Variants in SLC24A2 observed in about 807,000 individuals in gnomAD.
The protein encoded by SLC24A2 is sodium/potassium/calcium exchanger 2.
SLC24A2 carries 36 observed loss-of-function variants against 62.0 expected under a neutral mutation model. The observed-to-expected ratio is 0.58, with a 90% CI of 0.44 to 0.77. SLC24A2 has a LOEUF of 0.77. Ranked by LOEUF, SLC24A2 falls within the 30% of genes least tolerant of loss-of-function variation. SLC24A2 has a pLI of 0.00. For synonymous variants in SLC24A2, 358 were observed against 294.0 expected (o/e 1.22, Z -2.23); for missense variants, 846 against 817.9 (o/e 1.03, Z -0.42).
chr9:20,175,566 A>T, the SLC24A2 span, among the ~76,000 whole-genome samples: 2 of 152,054 alleles, frequency 1.3e-5, no homozygotes, highest in Non-Finnish European at 2.9e-5. Flanking sequence ...TGGGAAAATT[A>T]TTATGTTACT....
At chr9:20,151,838 AAAT>A in the SLC24A2 span, among the ~76,000 whole-genome samples, 1 of 151,706 alleles carries the variant, frequency 6.6e-6, no homozygotes, top group African/African-American at 2.4e-5. Flanking sequence ...TAGATCCCCC[AAAT>A]TGGTTTTGAA....
At chr9:19,566,770 C>A (rs951113513) in intron 7 of SLC24A2, among the ~76,000 whole-genome samples, 4 of 152,186 alleles carry the variant, frequency 2.6e-5, no homozygotes, top group Non-Finnish European at 5.9e-5. Flanking sequence ...CCATGGAATA[C>A]TATGCAGCCA....
At chr9:19,957,227 C>T in the SLC24A2 span, among the ~76,000 whole-genome samples, 1 of 152,116 alleles carries the variant, frequency 6.6e-6, no homozygotes, top group Non-Finnish European at 1.5e-5. Context: ...ACTCATGCTT[C>T]TCAAAGCCAG....
the SLC24A2 span, among the ~76,000 whole-genome samples, chr9:20,209,513 C>A: frequency 6.6e-6 from 1 of 152,182 alleles, no homozygotes; most frequent in East Asian, 1.9e-4. Flanking sequence ...CTTTACTACT[C>A]TGAACAGACA....
chr9:20,073,366 T>C, the SLC24A2 span, among the ~76,000 whole-genome samples: 1 of 152,178 alleles, frequency 6.6e-6, no homozygotes, highest in Non-Finnish European at 1.5e-5. Flanking sequence ...CAGAATAATG[T>C]CTCTTTTAAT....
chr9:19,556,920 A>G (rs992514137), intron 7 of SLC24A2, among the ~76,000 whole-genome samples: 4 of 152,206 alleles, frequency 2.6e-5, no homozygotes, highest in African/African-American at 9.7e-5. Flanking sequence ...CATATGGACA[A>G]TAATAGATCA....
rs904758675 is a variant in SLC24A2 at position 19,513,707 on chromosome 9, T to G, written c.*2446A>C. 1 of 152,176 alleles carries G rather than the reference T, an allele frequency of 6.6e-6. No individual in the cohort carries two copies. Among genetic ancestry groups the G allele is most frequent in the African/African-American group, 2.4e-5 (1 of 41,436 alleles). 9.4% of individuals were successfully genotyped at this position (152,176 alleles called of 1,614,324 possible). On this transcript the variant is annotated 3_prime_UTR_variant, in exon 11 of 11. Coordinates refer to ENST00000341998, the MANE Select transcript of SLC24A2 (RefSeq NM_020344.4). ...CTCCTTCAACTTCTGTTTTACATGG[T>G]CTGTTTGCAGTTGAGTCAGTCACCT...
At chr9:19,839,289 G>C in the SLC24A2 span, among the ~76,000 whole-genome samples, 1 of 152,128 alleles carries the variant, frequency 6.6e-6, no homozygotes, top group African/African-American at 2.4e-5. Context: ...TTACACTGTT[G>C]GTGTGACTGT....
At chr9:20,287,780 G>A in the SLC24A2 span, among the ~76,000 whole-genome samples, 2 of 152,226 alleles carry the variant, frequency 1.3e-5, no homozygotes, top group East Asian at 3.9e-4. Context: ...CTTACAGAGT[G>A]CCAAAACCAC....
the SLC24A2 span, among the ~76,000 whole-genome samples, chr9:19,880,354 C>T: frequency 7.9e-5 from 12 of 152,282 alleles, no homozygotes; most frequent in African/African-American, 2.9e-4. Flanking sequence ...GGCTGGTGTA[C>T]ATCACCACAC....
chr9:20,028,050 T>C, the SLC24A2 span, among the ~76,000 whole-genome samples: 2 of 152,306 alleles, frequency 1.3e-5, no homozygotes, highest in East Asian at 3.9e-4. Flanking sequence ...AGGGAAGCTG[T>C]GCAGGGGAGA....
At chr9:19,829,877 G>A in the SLC24A2 span, among the ~76,000 whole-genome samples, 1 of 149,130 alleles carries the variant, frequency 6.7e-6, no homozygotes, top group Admixed American at 6.7e-5. Flanking sequence ...TTCTTCTGGT[G>A]TAATTATTCA....
In SLC24A2 at chr9:19,706,620, C is replaced by T. The variant is rs568324575; in HGVS notation, c.930+79317G>A. On this transcript the variant is annotated intron_variant, in intron 2 of 10. Transcript: ENST00000341998. ...GTCTCGATCTCCTGACCTCGTGATC[C>T]GCTCGTCTCGGCCTCCCAAAGTGCT... is the stretch of plus-strand genomic sequence containing the variant. Among the ~76,000 whole-genome samples the T allele has an allele frequency of 2.7e-3, 405 of 152,162 alleles. 1 individual carries two copies. The highest frequency in any genetic ancestry group is 9.1e-3 in the African/African-American group (377 of 41,494).
chr9:19,927,361 A>T, the SLC24A2 span: 1 of 152,208 alleles, frequency 6.6e-6, no homozygotes, highest in African/African-American at 2.4e-5. Context: ...AGCTAAGCCT[A>T]GTTTCCTCCT....
intron 2 of SLC24A2, among the ~76,000 whole-genome samples, chr9:19,660,607 G>A (rs947485916): frequency 2.6e-5 from 4 of 152,218 alleles, no homozygotes; most frequent in South Asian, 2.1e-4. Context: ...CAGATGTCTC[G>A]TGCTTTCCTG....
At chr9:20,069,852 T>G in the SLC24A2 span, among the ~76,000 whole-genome samples, 1 of 152,220 alleles carries the variant, frequency 6.6e-6, no homozygotes, top group African/African-American at 2.4e-5. Context: ...CTCAGTGGAC[T>G]CTCAGTATCA....
chr9:20,092,359 G>A, the SLC24A2 span, among the ~76,000 whole-genome samples: 2 of 152,124 alleles, frequency 1.3e-5, no homozygotes, highest in African/African-American at 2.4e-5. Context: ...TGTGGTTCAT[G>A]GGCTGCTTGA....
chr9:19,853,543 C>T, the SLC24A2 span, among the ~76,000 whole-genome samples: 87,635 of 152,014 alleles, frequency 0.58, 25,899 homozygotes, highest in Non-Finnish European at 0.64. Flanking sequence ...ATCGAAGGAC[C>T]TTTCTGCATC....
rs201687545 is a variant in SLC24A2, at chr9:19,787,735, T to TA, written c.-153-717dup. ...ATTGTTTTCAGCTAAATATTTTTTT[T>TA]AAAAAAACAACCTTTAGTCATATTT... On this transcript the variant is annotated intron_variant, in intron 1 of 10. Transcript: ENST00000341998. 4.2e-3 allele frequency among the ~76,000 whole-genome samples: 640 copies of TA among 152,168 alleles called. 5 individuals are homozygous for TA. The highest frequency in any genetic ancestry group is 0.015 in the African/African-American group (614 of 41,516).
Sources: allele counts gnomAD v4.1 joint callset (sites outside exome capture counted in the v4.1 genomes callset), GRCh38; gene constraint gnomAD v4.1.1; transcripts MANE v1.5; gene names NCBI Gene and HGNC (gene_info 2026-07-23, HGNC 2026-07-21).